Variants in ABLIM1 observed in about 807,000 individuals in gnomAD.
ABLIM1 encodes the protein actin binding LIM protein 1.
In ABLIM1, 40 loss-of-function variants were observed where a neutral mutation model predicts 107.0. The observed-to-expected ratio is 0.37, with a 90% CI of 0.29 to 0.49. ABLIM1 has a LOEUF of 0.49. Among genes scored for constraint, ABLIM1 ranks in the 20% least tolerant of loss-of-function variants. The pLI is 0.97. For missense variants in ABLIM1, 857 were observed against 1,008.5 expected, an observed-to-expected ratio of 0.85 and a Z score of 2.04; for synonymous variants, 357 against 357.3, an observed-to-expected ratio of 1.00 and a Z score of 0.01.
chr10:114,592,619 C>T (rs1007666027), intron 2 of ABLIM1, among the ~76,000 whole-genome samples: 1 of 152,034 alleles, frequency 6.6e-6, no homozygotes, highest in South Asian at 2.1e-4. Flanking sequence ...TGCAGAGAGA[C>T]CCGCTAAAAT....
intron 15 of ABLIM1, 64 bp from the exon 16 acceptor site, chr10:114,445,467 G>C (rs1196495877): frequency 1.5e-6 from 2 of 1,355,256 alleles, no homozygotes; most frequent in African/African-American, 1.4e-5. Flanking sequence ...TAACGGGCTA[G>C]TCCATCTGTG....
chr10:114,637,389 T>C (rs574454903), intron 1 of ABLIM1, among the ~76,000 whole-genome samples: 43 of 152,220 alleles, frequency 2.8e-4, no homozygotes, highest in Non-Finnish European at 5.9e-4. Context: ...CAAAGTTTCC[T>C]ACAGTCTAGG....
At chr10:114,771,082 C>T (rs568867756), upstream of ABLIM1, among the ~76,000 whole-genome samples, 15 of 152,304 alleles carry the variant, frequency 9.8e-5, no homozygotes, top group African/African-American at 3.6e-4. Flanking sequence ...CTGCCCGCCT[C>T]GGCTTCCCAC....
chr10:114,583,466 CACATATATAT>C (rs2073816615), intron 2 of ABLIM1, among the ~76,000 whole-genome samples: 1 of 7,086 alleles, frequency 1.4e-4, no homozygotes, highest in Non-Finnish European at 2.8e-4. Context: ...CACACACACA[CACATATATAT>C]ATATATATAT....
chr10:114,708,812 T>G (rs1316149058), intron 1 of ABLIM1, among the ~76,000 whole-genome samples: 1 of 152,158 alleles, frequency 6.6e-6, no homozygotes, highest in Non-Finnish European at 1.5e-5. Context: ...TACTTAATGT[T>G]CAGGGACCAC....
At chr10:114,783,216 AG>A in the ABLIM1 span, among the ~76,000 whole-genome samples, 1 of 152,136 alleles carries the variant, frequency 6.6e-6, no homozygotes, top group South Asian at 2.1e-4. Flanking sequence ...TGGGAGGCAG[AG>A]GTTGCAGTGA....
intron 1 of ABLIM1, among the ~76,000 whole-genome samples, chr10:114,698,521 T>C (rs2081242605): frequency 6.6e-6 from 1 of 151,510 alleles, no homozygotes; most frequent in African/African-American, 2.4e-5. Flanking sequence ...AAAAACAGAA[T>C]TCTCCAGTCC....
chr10:114,621,657 T>C (rs887659260), intron 1 of ABLIM1, among the ~76,000 whole-genome samples: 1 of 152,184 alleles, frequency 6.6e-6, no homozygotes, highest in Non-Finnish European at 1.5e-5. Context: ...CCATAGAAGA[T>C]TGTTCACCCC....
Position 114,465,627 on chromosome 10 carries a change from C to T in ABLIM1, c.1441+71G>A, listed in dbSNP as rs1589992603. ...AGTCGTTGATTTTTCAATGTGCTAT[C>T]AATAGTAGGGGAAAAAATCACAGAA... On this transcript the variant is annotated intron_variant, in intron 12 of 22. Transcript: ENST00000533213. The T allele has an allele frequency of 2.6e-6, 4 of 1,566,474 alleles. No individual in the cohort carries two copies. In the East Asian group the frequency reaches 9.1e-5, roughly 36 times the overall value.
chr10:114,491,012 G>GTATATATATATATATATATATATATA (rs71473045), intron 7 of ABLIM1, among the ~76,000 whole-genome samples: 2 of 92,394 alleles, frequency 2.2e-5, no homozygotes, highest in Admixed American at 1.4e-4. Flanking sequence ...GTGTGTGTGT[G>GTATATATATATATATATATATATATA]TATATATATA....
In ABLIM1 at chr10:114,535,561, C is replaced by T. The variant is rs554664800; in HGVS notation, c.894+9444G>A. ...CCTGACCTCAGGTGATCTCCCACCT[C>T]GGCCTCCCAAAGTGCTGAGATTACA... On this transcript the variant is annotated intron_variant, in intron 6 of 22. Transcript: ENST00000533213. 4.6e-5 allele frequency among the ~76,000 whole-genome samples: 7 copies of T among 152,258 alleles called. No homozygotes were observed. The South Asian group carries it at 1.2e-3, about 27-fold the overall frequency.
chr10:114,451,559 G>A, intron 14 of ABLIM1, 65 bp downstream of exon 14: 1 of 1,446,186 alleles, frequency 6.9e-7, no homozygotes. Context: ...CCTTTCAGAG[G>A]ACAGCAAGGA....
intron 1 of ABLIM1, among the ~76,000 whole-genome samples, chr10:114,727,739 G>A (rs2081990231): frequency 6.6e-6 from 1 of 152,186 alleles, no homozygotes; most frequent in South Asian, 2.1e-4. Context: ...CAGATCACTT[G>A]AGCCCAGGGG....
rs928254324 is a variant in ABLIM1, at chr10:114,750,968, G to A, written c.-213+17093C>T. Among the ~76,000 whole-genome samples, 18 of 152,312 alleles carry A rather than the reference G, an allele frequency of 1.2e-4. No individual in the cohort carries two copies. In the South Asian group the frequency reaches 1.7e-3, roughly 14 times the overall value. On this transcript the variant is annotated intron_variant, in intron 1 of 15. Coordinates refer to the ABLIM1 transcript ENST00000651092. ...CTATCAGGATTCTGAAGACTGAAGTGCTTAATGAAGAATCTGCCTTAACTA... is the reference window on the plus strand; with the variant it reads ...CTATCAGGATTCTGAAGACTGAAGTACTTAATGAAGAATCTGCCTTAACTA...
At chr10:114,535,491 A>T (rs1376474635) in intron 6 of ABLIM1, among the ~76,000 whole-genome samples, 4 of 152,078 alleles carry the variant, frequency 2.6e-5, no homozygotes, top group African/African-American at 9.7e-5. Flanking sequence ...TTGTACTTTT[A>T]GTAGAGATGG....
At chr10:114,784,976 T>C in the ABLIM1 span, among the ~76,000 whole-genome samples, 3 of 152,250 alleles carry the variant, frequency 2.0e-5, no homozygotes, top group Admixed American at 2.0e-4. Context: ...TTTACTTTCA[T>C]ATTCATAAAA....
chr10:114,480,390 C>T (rs2057158215), intron 8 of ABLIM1, among the ~76,000 whole-genome samples: 1 of 152,144 alleles, frequency 6.6e-6, no homozygotes, highest in African/African-American at 2.4e-5. Context: ...CTCACTTCTA[C>T]AGAATAAAGG....
chr10:114,535,711 T>G (rs973152695), intron 6 of ABLIM1, among the ~76,000 whole-genome samples: 1 of 152,210 alleles, frequency 6.6e-6, no homozygotes, highest in Non-Finnish European at 1.5e-5. Context: ...AATTGAGAGA[T>G]AAATCACATA....
At chr10:114,786,756 C>T in the ABLIM1 span, among the ~76,000 whole-genome samples, 8 of 152,200 alleles carry the variant, frequency 5.3e-5, no homozygotes, top group Non-Finnish European at 1.0e-4. Flanking sequence ...CTCCGCCTCC[C>T]GAGGTGCCGG....
Sources: gnomAD v4.1 joint callset for allele counts (sites outside exome capture counted in the v4.1 genomes callset) on GRCh38, gnomAD v4.1.1 for gene constraint, MANE v1.5 for transcripts, NCBI Gene and HGNC (gene_info 2026-07-23, HGNC 2026-07-21) for gene names.